The following CYTH3 variants were observed in gnomAD, a reference collection of about 807,000 sequenced individuals.
CYTH3 encodes cytohesin-3.
Under a neutral mutation model 55.1 loss-of-function variants are expected in CYTH3, and 23 were observed. The observed-to-expected ratio is 0.42, with a 90% confidence interval of 0.30 to 0.59. CYTH3 has a LOEUF of 0.59. Among genes scored for constraint, CYTH3 ranks in the 20% least tolerant of loss-of-function variants. CYTH3 has a pLI of 0.20. For missense variants in CYTH3, 413 were observed against 524.8 expected, an observed-to-expected ratio of 0.79 and a Z score of 2.08; for synonymous variants, 249 against 194.9, an observed-to-expected ratio of 1.28 and a Z score of -2.31.
At chr7:6,243,439 G>A (rs1779724331) in intron 1 of CYTH3, among the ~76,000 whole-genome samples, 1 of 152,190 alleles carries the variant, frequency 6.6e-6, no homozygotes, top group South Asian at 2.1e-4. Flanking sequence ...GGGAAGCAAT[G>A]TAATAACATG....
chr7:6,253,032 G>T (rs968665780), intron 1 of CYTH3, among the ~76,000 whole-genome samples: 4 of 151,784 alleles, frequency 2.6e-5, no homozygotes, highest in Non-Finnish European at 4.4e-5. Flanking sequence ...ACTTACCAAA[G>T]AACAAGAAAA....
intron 1 of CYTH3, among the ~76,000 whole-genome samples, chr7:6,225,914 G>T (rs895700866): frequency 6.6e-6 from 1 of 151,942 alleles, no homozygotes; most frequent in African/African-American, 2.4e-5. Context: ...TCCTGACCTT[G>T]GGAGCTCAAG....
intron 1 of CYTH3, among the ~76,000 whole-genome samples, chr7:6,249,305 C>T (rs965845441): frequency 7.2e-5 from 11 of 152,188 alleles, no homozygotes; most frequent in East Asian, 1.9e-4. Context: ...TGTTAAAAAG[C>T]TTTACTTGGG....
chr7:6,223,371 T>C (rs1779138508), intron 1 of CYTH3, among the ~76,000 whole-genome samples: 1 of 152,134 alleles, frequency 6.6e-6, no homozygotes, highest in Admixed American at 6.5e-5. Flanking sequence ...ATGATGACGA[T>C]GGCGGTTTTG....
Position 6,162,110 on chromosome 7 carries a change from G to A in CYTH3, c.*2834C>T, listed in dbSNP as rs573715993. 3 of 152,726 alleles carry A rather than the reference G, an allele frequency of 2.0e-5. No individual in the cohort carries two copies. The highest frequency in any genetic ancestry group is 7.2e-5 in the African/African-American group (3 of 41,556). 9.5% of individuals were successfully genotyped at this position (152,726 alleles called of 1,614,324 possible). On this transcript the variant is annotated 3_prime_UTR_variant, in exon 13 of 13. Coordinates refer to ENST00000350796, the MANE Select transcript of CYTH3 (RefSeq NM_004227.4). Reference sequence around the variant, plus strand: ...GTTTGTAACTTTAAAAATAGGCATTGCTTTCTATGAAGCACTAAGTGCTGC... The same window carrying A: ...GTTTGTAACTTTAAAAATAGGCATTACTTTCTATGAAGCACTAAGTGCTGC...
rs1783189515 is a variant in CYTH3, at chr7:6,171,402, C to T, written c.450-88G>A. The stretch of plus-strand genomic sequence containing the variant: ...CGGCTTCTGCCCAGCTCAGGAAGGA[C>T]GTTTTCCTCCCGAGCCTGGGGTACA... On this transcript the variant is annotated intron_variant, in intron 6 of 12. Coordinates refer to ENST00000350796, the MANE Select transcript of CYTH3 (RefSeq NM_004227.4). This position sits in a 1 kb window ranked among gnomAD's most constrained non-coding sequence, Gnocchi z 6.7. The T allele has an allele frequency of 1.6e-6, 2 of 1,241,370 alleles. No individual in the cohort carries two copies. Among genetic ancestry groups the T allele is most frequent in the East Asian group, 2.4e-5 (1 of 41,756 alleles). The allele number at this position is 1,241,370 out of a possible 1,614,324, so 76.9% of individuals were successfully genotyped here.
chr7:6,184,664 T>C (rs1783591940), intron 4 of CYTH3, among the ~76,000 whole-genome samples: 1 of 152,018 alleles, frequency 6.6e-6, no homozygotes, highest in African/African-American at 2.4e-5. Flanking sequence ...CACTGCAACC[T>C]GACTCCCAGG....
At chr7:6,206,294 T>C (rs548197734) in intron 1 of CYTH3, among the ~76,000 whole-genome samples, 29 of 152,320 alleles carry the variant, frequency 1.9e-4, no homozygotes, top group African/African-American at 6.3e-4. Flanking sequence ...TACTGGCACA[T>C]GCTACAACAC....
At chr7:6,238,650 T>G (rs1292277811) in intron 1 of CYTH3, among the ~76,000 whole-genome samples, 1 of 152,110 alleles carries the variant, frequency 6.6e-6, no homozygotes, top group African/African-American at 2.4e-5. Flanking sequence ...CCCAAACCTA[T>G]AGAATGTACC....
chr7:6,176,114 T>C (rs1298410621), intron 5 of CYTH3, among the ~76,000 whole-genome samples: 2 of 152,142 alleles, frequency 1.3e-5, no homozygotes, highest in Non-Finnish European at 2.9e-5. Flanking sequence ...AACAATGTTT[T>C]GTGGTTTTTG....
intron 1 of CYTH3, among the ~76,000 whole-genome samples, chr7:6,192,391 T>C (rs1186961667): frequency 6.6e-6 from 1 of 151,750 alleles, no homozygotes; most frequent in African/African-American, 2.4e-5. Flanking sequence ...CTAATTTTTT[T>C]TTTTTTAAAT....
At chr7:6,209,591 G>A (rs1250940564) in intron 1 of CYTH3, among the ~76,000 whole-genome samples, 5 of 152,146 alleles carry the variant, frequency 3.3e-5, no homozygotes, top group East Asian at 1.9e-4. Context: ...CTTACAATAC[G>A]ATCCAGCAAC....
chr7:6,180,264 T>A (rs1783472822), intron 4 of CYTH3, among the ~76,000 whole-genome samples: 1 of 152,202 alleles, frequency 6.6e-6, no homozygotes, highest in Admixed American at 6.5e-5. Context: ...TCCCATGCCT[T>A]CCTCTGGATG....
chr7:6,202,313 C>T (rs186484982), intron 1 of CYTH3, among the ~76,000 whole-genome samples: 6 of 152,318 alleles, frequency 3.9e-5, no homozygotes, highest in Admixed American at 1.3e-4. Context: ...CAGACGAACG[C>T]GTAAGTGAAG....
At chr7:6,185,150 G>A (rs574822762) in intron 4 of CYTH3, among the ~76,000 whole-genome samples, 3 of 152,200 alleles carry the variant, frequency 2.0e-5, no homozygotes, top group South Asian at 2.1e-4. Context: ...TCACAAAATT[G>A]ACAATTTTCA....
chr7:6,232,242 G>A (rs1273914242), intron 1 of CYTH3, among the ~76,000 whole-genome samples: 2 of 152,066 alleles, frequency 1.3e-5, no homozygotes, highest in African/African-American at 4.8e-5. Context: ...TCCAATCTTG[G>A]GAGTACCACA....
chr7:6,231,428 A>AG (rs1338395284), intron 1 of CYTH3, among the ~76,000 whole-genome samples: 1 of 152,172 alleles, frequency 6.6e-6, no homozygotes, highest in African/African-American at 2.4e-5. Context: ...GATGATGTCA[A>AG]GACAGCGTCT....
intron 9 of CYTH3, 51 bp from the exon 10 acceptor site, chr7:6,165,861 C>T (rs767443743): frequency 2.8e-5 from 44 of 1,589,516 alleles, no homozygotes; most frequent in South Asian, 2.1e-4. Context: ...AGGGAGCCCG[C>T]GGGTCCAAGA....
intron 1 of CYTH3, among the ~76,000 whole-genome samples, chr7:6,253,846 G>A (rs960757449): frequency 7.0e-6 from 1 of 142,750 alleles, no homozygotes; most frequent in African/African-American, 2.6e-5. Context: ...AAACAAAAGA[G>A]GCCAGGTGCA....
Sources: gnomAD v4.1 joint callset for allele counts (sites outside exome capture counted in the v4.1 genomes callset) on GRCh38, gnomAD v4.1.1 for gene constraint, Gnocchi (gnomAD v3.1) non-coding constraint, MANE v1.5 for transcripts, NCBI Gene and HGNC (gene_info 2026-07-23, HGNC 2026-07-21) for gene names.